Variants in FZD3 observed in about 807,000 individuals in gnomAD.
FZD3 encodes frizzled-3.
In FZD3, 30 loss-of-function variants were observed where a neutral mutation model predicts 60.7. The observed-to-expected ratio is 0.49, with a 90% CI of 0.37 to 0.67. The LOEUF (loss-of-function observed/expected upper bound fraction) is 0.67. Ranked by LOEUF, FZD3 falls within the 30% of genes least tolerant of loss-of-function variation. The pLI is 0.00. For missense variants in FZD3, 605 were observed against 838.7 expected (o/e 0.72, Z 3.44); for synonymous variants, 246 against 275.2 (o/e 0.89, Z 1.05).
intron 7 of FZD3, 136 bp downstream of exon 7, chr8:28,556,107 A>G (rs1805503612): frequency 1.6e-6 from 1 of 642,238 alleles, no homozygotes; most frequent in African/African-American, 1.8e-5. Flanking sequence ...GAGTTGTCCC[A>G]GACTATGGTC....
intron 5 of FZD3, among the ~76,000 whole-genome samples, chr8:28,541,393 A>G (rs1250376965): frequency 6.6e-6 from 1 of 152,202 alleles, no homozygotes; most frequent in Non-Finnish European, 1.5e-5. Context: ...CTGTCTTCCA[A>G]ATCTTCTTGC....
At chr8:28,505,884 T>G (rs1293101295) in intron 3 of FZD3, among the ~76,000 whole-genome samples, 1 of 152,236 alleles carries the variant, frequency 6.6e-6, no homozygotes, top group Non-Finnish European at 1.5e-5. Flanking sequence ...TCCATTAAGT[T>G]AGAAAAGAAG....
rs58989484 is a variant in FZD3 at position 28,547,305 on chromosome 8, A to G, written c.1405-4298A>G. 4.7e-3 allele frequency among the ~76,000 whole-genome samples: 715 copies of G among 152,320 alleles called. 25 individuals carry two copies. The East Asian group carries it at 0.091, about 19-fold the overall frequency. ...TCTTTTCATGCCCTCATGGTATTCC[A>G]TTGAGTGGATAAATCATATTGCTTC... On this transcript the variant is annotated intron_variant, in intron 5 of 7. Coordinates refer to ENST00000240093, the MANE Select transcript of FZD3 (RefSeq NM_017412.4).
intron 5 of FZD3, among the ~76,000 whole-genome samples, chr8:28,531,999 TC>T (rs1457561291): frequency 6.6e-6 from 1 of 152,232 alleles, no homozygotes; most frequent in Non-Finnish European, 1.5e-5. Flanking sequence ...ATATCTCTAA[TC>T]CCATAAAATT....
chr8:28,564,526 G>C lies in FZD3; in HGVS notation c.*1515G>C, dbSNP rs1378663333. The C allele has an allele frequency of 6.7e-6, 1 of 149,102 alleles. No homozygotes were observed. The highest frequency in any genetic ancestry group is 2.5e-5 in the African/African-American group (1 of 40,626). The allele number at this position is 149,102 out of a possible 1,614,324, so 9.2% of individuals were successfully genotyped here. A position where few individuals can be genotyped will look rare whatever the true frequency, so the allele number is the denominator to read the frequency against. ...AAACTCACTACTTTAACTTGCCCCT[G>C]ATGATCTGTCGGCATCATATATCAC... On this transcript the variant is annotated 3_prime_UTR_variant, in exon 8 of 8. Transcript: ENST00000240093.
At position 28,571,466 on chromosome 8, in the gene FZD3, T is replaced by G. The variant is rs1444641255; in HGVS notation, c.*8455T>G. ...AACTTAAAATTTTTAAAATCATATATGGGACTCCCCAATGTGAAAATATTA... is the reference window on the plus strand; with the variant it reads ...AACTTAAAATTTTTAAAATCATATAGGGGACTCCCCAATGTGAAAATATTA... On this transcript the variant is annotated 3_prime_UTR_variant, in exon 8 of 8. Transcript: ENST00000240093. 5.3e-5 allele frequency: 8 copies of G among 152,218 alleles called. No individual in the cohort carries two copies. The highest frequency in any genetic ancestry group is 5.2e-4 in the Admixed American group (8 of 15,276). 9.4% of individuals were successfully genotyped at this position (152,218 alleles called of 1,614,324 possible). A position where few individuals can be genotyped will look rare whatever the true frequency, so the allele number is the denominator to read the frequency against.
In FZD3 at chr8:28,567,293, A is replaced by G. The variant is rs1401873175; in HGVS notation, c.*4282A>G. ...CTCAGCCTCCCGAGTAACTGGGACT[A>G]CAGGTGCGTGCCACCACATCCAGCT... is the stretch of plus-strand genomic sequence containing the variant. On this transcript the variant is annotated 3_prime_UTR_variant, in exon 8 of 8. Transcript: ENST00000240093. 6.6e-6 allele frequency: 1 copy of G among 152,270 alleles called. No individual in the cohort carries two copies. The highest frequency in any genetic ancestry group is 2.4e-5 in the African/African-American group (1 of 41,408). The allele number at this position is 152,270 out of a possible 1,614,324, so 9.4% of individuals were successfully genotyped here. A position where few individuals can be genotyped will look rare whatever the true frequency, so the allele number is the denominator to read the frequency against.
chr8:28,545,313 T>C (rs1485837932), intron 5 of FZD3, among the ~76,000 whole-genome samples: 1 of 152,244 alleles, frequency 6.6e-6, no homozygotes, highest in African/African-American at 2.4e-5. Context: ...TGATTCTGTA[T>C]GACCCCAAGA....
rs1194344053 is a variant in FZD3 at position 28,503,144 on chromosome 8, C to T, written c.131C>T (p.Thr44Ile). 6.2e-7 allele frequency: 1 copy of T among 1,613,384 alleles called. No homozygotes were observed. ...TGCCAAGATTTGCCTTATAATACTA[C>T]CTTCATGCCTAATCTTCTGAATCAT... ...RMCQDLPYNT[T>I]FMPNLLNHYD... The change falls in exon 3 of 8, where the codon ACC becomes ATC. Residue 44 changes from threonine (T) to isoleucine (I), a missense_variant. Physicochemically the swap from Thr to Ile is moderately conservative, Grantham distance 89. Coordinates refer to ENST00000240093, the MANE Select transcript of FZD3 (RefSeq NM_017412.4).
At position 28,569,498 on chromosome 8, in the gene FZD3, A is replaced by G. The variant is rs1366551724; in HGVS notation, c.*6487A>G. On this transcript the variant is annotated 3_prime_UTR_variant, in exon 8 of 8. Coordinates refer to ENST00000240093, the MANE Select transcript of FZD3 (RefSeq NM_017412.4). The stretch of plus-strand genomic sequence containing the variant: ...TCCGCCCAGCTCTCATTTGGTTCTC[A>G]TTTGACCATTTTATAATCATTATTT... The G allele has an allele frequency of 6.6e-6, 1 of 151,830 alleles. No homozygotes were observed. Among genetic ancestry groups the G allele is most frequent in the Non-Finnish European group, 1.5e-5 (1 of 67,936 alleles). The allele number at this position is 151,830 out of a possible 1,614,324, so 9.4% of individuals were successfully genotyped here. A position where few individuals can be genotyped will look rare whatever the true frequency, so the allele number is the denominator to read the frequency against.
At chr8:28,530,043 T>G (rs1804822354) in intron 5 of FZD3, among the ~76,000 whole-genome samples, 1 of 151,710 alleles carries the variant, frequency 6.6e-6, no homozygotes, top group South Asian at 2.1e-4. Flanking sequence ...ATACCTAGAA[T>G]TCTTTTAGCA....
chr8:28,494,980 G>A (rs1181249555), intron 1 of FZD3, among the ~76,000 whole-genome samples: 1 of 152,170 alleles, frequency 6.6e-6, no homozygotes, highest in East Asian at 1.9e-4. Context: ...GCTTCCCCCG[G>A]CTGCCTCCTC....
intron 3 of FZD3, chr8:28,505,185 C>T (rs1403335658): frequency 6.5e-6 from 1 of 154,750 alleles, no homozygotes; most frequent in Non-Finnish European, 1.5e-5. Context: ...ACCTCCATCC[C>T]TCTACTGATC....
At chr8:28,530,737 G>A (rs893449195) in intron 5 of FZD3, among the ~76,000 whole-genome samples, 2 of 151,976 alleles carry the variant, frequency 1.3e-5, no homozygotes, top group Admixed American at 1.3e-4. Flanking sequence ...CCATCATCGT[G>A]AATTTGGACT....
At chr8:28,526,896 A>G (rs1804727054) in intron 4 of FZD3, among the ~76,000 whole-genome samples, 1 of 152,190 alleles carries the variant, frequency 6.6e-6, no homozygotes, top group Non-Finnish European at 1.5e-5. Context: ...TCTGCAACAC[A>G]ACCTTGTTTT....
In FZD3 at chr8:28,570,220, A is replaced by T. The variant is rs1229020159; in HGVS notation, c.*7209A>T. On this transcript the variant is annotated 3_prime_UTR_variant, in exon 8 of 8. Transcript: ENST00000240093. ...TAATGTAGAGATTGAGGCCAGACGC[A>T]GTGGCTCACGCCTGTAATCCCAGCA... The T allele has an allele frequency of 6.6e-6, 1 of 152,232 alleles. No individual in the cohort carries two copies. The highest frequency in any genetic ancestry group is 1.5e-5 in the Non-Finnish European group (1 of 68,072). The allele number at this position is 152,232 out of a possible 1,614,324, so 9.4% of individuals were successfully genotyped here.
At chr8:28,519,414 A>G (rs1245930039) in intron 3 of FZD3, among the ~76,000 whole-genome samples, 1 of 151,990 alleles carries the variant, frequency 6.6e-6, no homozygotes, top group Non-Finnish European at 1.5e-5. Flanking sequence ...ACATCATGTG[A>G]TTTCACAGTA....
chr8:28,539,548 C>T (rs141583545), intron 5 of FZD3, among the ~76,000 whole-genome samples: 8 of 152,136 alleles, frequency 5.3e-5, no homozygotes, highest in East Asian at 3.9e-4. Flanking sequence ...TTAAAAAGTA[C>T]GCAAAAGTGG....
At chr8:28,557,451 T>C (rs1805532057) in intron 7 of FZD3, among the ~76,000 whole-genome samples, 1 of 152,184 alleles carries the variant, frequency 6.6e-6, no homozygotes, top group Admixed American at 6.5e-5. Flanking sequence ...GTCCTCCTAG[T>C]GTAGAATCCG....
Sources: gnomAD v4.1 joint callset for allele counts (sites outside exome capture counted in the v4.1 genomes callset) on GRCh38, gnomAD v4.1.1 for gene constraint, MANE v1.5 for transcripts, NCBI Gene and HGNC (gene_info 2026-07-23, HGNC 2026-07-21) for gene names.